Variants in PTPRJ observed in about 807,000 individuals in gnomAD.
PTPRJ encodes protein tyrosine phosphatase receptor type J.
In PTPRJ, 129 loss-of-function variants were observed where a neutral mutation model predicts 141.3. The ratio of observed to expected loss-of-function variants is 0.91; its 90% CI spans 0.79 to 1.06. The LOEUF (loss-of-function observed/expected upper bound fraction) is 1.06, where lower values mean the gene tolerates loss of function less well. Ranked by LOEUF, PTPRJ falls within the 50% of genes least tolerant of loss-of-function variation. PTPRJ has a pLI of 0.00. For synonymous variants in PTPRJ, 610 were observed against 640.5 expected (o/e 0.95, Z 0.72); for missense variants, 1,601 against 1,679.7 (o/e 0.95, Z 0.82).
chr11:48,149,393 A>G, intron 15 of PTPRJ, 54 bp from the exon 16 acceptor site: 1 of 1,216,668 alleles, frequency 8.2e-7, no homozygotes, highest in Non-Finnish European at 1.2e-6. Context: ...CACAAGGGAA[A>G]AGCACAGGAA....
At chr11:48,034,682 G>A (rs1854073886) in intron 1 of PTPRJ, among the ~76,000 whole-genome samples, 1 of 152,176 alleles carries the variant, frequency 6.6e-6, no homozygotes, top group Non-Finnish European at 1.5e-5. Context: ...CAAGAAAACA[G>A]GCACAGACAG....
At chr11:48,062,931 A>G (rs1854978816) in intron 1 of PTPRJ, among the ~76,000 whole-genome samples, 1 of 152,236 alleles carries the variant, frequency 6.6e-6, no homozygotes, top group Admixed American at 6.5e-5. Flanking sequence ...GCTATGCAGA[A>G]GCAGGAGCAA....
chr11:48,154,067 T>A (rs1045741929), intron 19 of PTPRJ, among the ~76,000 whole-genome samples, 181 bp downstream of exon 19: 1 of 152,254 alleles, frequency 6.6e-6, no homozygotes, highest in Non-Finnish European at 1.5e-5. Flanking sequence ...TTTAGGTGCA[T>A]TCTCTTAAAT....
chr11:48,165,472 G>A (rs1406685484), intron 24 of PTPRJ, among the ~76,000 whole-genome samples: 3 of 152,216 alleles, frequency 2.0e-5, no homozygotes, highest in Non-Finnish European at 4.4e-5. Context: ...TTGCAAAGTT[G>A]CTTTCCTCAA....
chr11:48,028,560 G>A (rs1853886266), intron 1 of PTPRJ, among the ~76,000 whole-genome samples: 1 of 152,232 alleles, frequency 6.6e-6, no homozygotes, highest in Admixed American at 6.5e-5. Flanking sequence ...GGAGGCTGAG[G>A]TGGGTGGCTC....
chr11:48,051,543 A>G (rs1443618994), intron 1 of PTPRJ, among the ~76,000 whole-genome samples: 1 of 152,200 alleles, frequency 6.6e-6, no homozygotes, highest in African/African-American at 2.4e-5. Flanking sequence ...TTTCCAGGTC[A>G]CAGTGGGGTG....
At position 48,128,002 on chromosome 11, in the gene PTPRJ, G is replaced by A; in HGVS notation, c.1316G>A (p.Gly439Asp). Residue 439 changes from glycine to aspartate, a missense_variant, in exon 7 of 25, where the codon GGT becomes GAT. Transcript: ENST00000418331. ...FYNITVCPVLGDIEGTPGFLQ... is the reference protein window; with the variant it reads ...FYNITVCPVLDDIEGTPGFLQ... ...AACATCACAGTGTGTCCTGTCCTAG[G>A]TGACATCGAGGGCACGCCGGGCTTC... 1 of 1,613,824 alleles carries A rather than the reference G, an allele frequency of 6.2e-7. No individual in the cohort carries two copies. Among genetic ancestry groups the A allele is most frequent in the Non-Finnish European group, 8.5e-7 (1 of 1,179,752 alleles).
At chr11:48,013,154 A>G (rs1474851908) in intron 1 of PTPRJ, among the ~76,000 whole-genome samples, 1 of 151,026 alleles carries the variant, frequency 6.6e-6, no homozygotes, top group Non-Finnish European at 1.5e-5. Context: ...GCCCCACGGG[A>G]CTGAGGGTAA....
intron 3 of PTPRJ, among the ~76,000 whole-genome samples, chr11:48,118,230 G>A (rs1856616112): frequency 6.6e-6 from 1 of 152,146 alleles, no homozygotes; most frequent in Non-Finnish European, 1.5e-5. Context: ...CTATTGGTGT[G>A]CACCACTACA....
At chr11:48,140,831 T>G (rs72903565) in intron 11 of PTPRJ, among the ~76,000 whole-genome samples, 1 of 105,772 alleles carries the variant, frequency 9.5e-6, no homozygotes, top group African/African-American at 3.2e-5. Flanking sequence ...TGTGAAGTAT[T>G]AATGAGTTAT....
chr11:48,067,242 AC>A (rs1855111107), intron 1 of PTPRJ, among the ~76,000 whole-genome samples: 1 of 152,060 alleles, frequency 6.6e-6, no homozygotes, highest in South Asian at 2.1e-4. Flanking sequence ...CAGAGCAATT[AC>A]AGAGCCTCCG....
chr11:48,130,783 A>C, intron 8 of PTPRJ, 67 bp downstream of exon 8: 2 of 1,410,624 alleles, frequency 1.4e-6, no homozygotes, highest in Non-Finnish European at 1.9e-6. Flanking sequence ...ATTAATAAAC[A>C]TAATGTTTCC....
intron 1 of PTPRJ, among the ~76,000 whole-genome samples, chr11:48,052,891 G>A (rs915369692): frequency 6.6e-6 from 1 of 151,420 alleles, no homozygotes; most frequent in African/African-American, 2.4e-5. Context: ...TATGCAGTAC[G>A]TGGGCCACCA....
rs192183537 is a variant in PTPRJ at position 48,140,730 on chromosome 11, A to G, written c.2443+954A>G. On this transcript the variant is annotated intron_variant, in intron 11 of 24. Transcript: ENST00000418331. ...TTAAAGTTTTCTAGAAGCCACACTG[A>G]AAAAAAAGTGAAAAGGAATAGCCGA... Among the ~76,000 whole-genome samples the G allele has an allele frequency of 2.9e-3, 437 of 152,262 alleles. 6 individuals carry two copies. Among genetic ancestry groups the G allele is most frequent in the Non-Finnish European group, 1.1e-3 (76 of 68,020 alleles).
intron 1 of PTPRJ, among the ~76,000 whole-genome samples, chr11:48,079,025 A>G (rs1020737237): frequency 2.4e-4 from 37 of 152,084 alleles, no homozygotes; most frequent in African/African-American, 8.5e-4. Flanking sequence ...TGGAAATGCA[A>G]AGACGGGCAG....
At chr11:48,119,018 C>CAAA (rs59349969) in intron 3 of PTPRJ, among the ~76,000 whole-genome samples, 186 of 86,076 alleles carry the variant, frequency 2.2e-3, no homozygotes, top group East Asian at 3.2e-3. Context: ...GACTTCGTCT[C>CAAA]AAAAAAAAAA....
intron 1 of PTPRJ, among the ~76,000 whole-genome samples, chr11:48,017,705 G>A (rs1274769691): frequency 6.6e-6 from 1 of 152,204 alleles, no homozygotes; most frequent in Non-Finnish European, 1.5e-5. Flanking sequence ...CGTGTTTGTG[G>A]AAGTGCTCTG....
intron 8 of PTPRJ, chr11:48,132,669 G>A: frequency 1.2e-6 from 1 of 867,566 alleles, no homozygotes; most frequent in Non-Finnish European, 1.4e-6. Context: ...TTGTGCACAT[G>A]TACCCTAGAA....
At chr11:48,125,458 C>T (rs1239786252) in intron 6 of PTPRJ, among the ~76,000 whole-genome samples, 2 of 152,190 alleles carry the variant, frequency 1.3e-5, no homozygotes, top group Admixed American at 6.5e-5. Flanking sequence ...CACAGCTTTG[C>T]GTGGTGGCTG....
Sources: allele counts gnomAD v4.1 joint callset (sites outside exome capture counted in the v4.1 genomes callset), GRCh38; gene constraint gnomAD v4.1.1; transcripts MANE v1.5; gene names NCBI Gene and HGNC (gene_info 2026-07-23, HGNC 2026-07-21).